Variants in ABLIM3 observed in about 807,000 individuals in gnomAD.
The protein encoded by ABLIM3 is actin binding LIM protein family member 3.
In ABLIM3, 61 loss-of-function variants were observed where a neutral mutation model predicts 109.5. The observed-to-expected ratio is 0.56, with a 90% confidence interval of 0.45 to 0.69. The LOEUF (loss-of-function observed/expected upper bound fraction) is 0.69. Ranked by LOEUF, ABLIM3 falls within the 30% of genes least tolerant of loss-of-function variation. ABLIM3 has a pLI of 0.00. For synonymous variants in ABLIM3, 300 were observed against 324.8 expected, an observed-to-expected ratio of 0.92 and a Z score of 0.82; for missense variants, 796 against 889.5, an observed-to-expected ratio of 0.89 and a Z score of 1.34.
At chr5:149,213,475 GA>G (rs1759760140) in intron 7 of ABLIM3, among the ~76,000 whole-genome samples, 1 of 152,216 alleles carries the variant, frequency 6.6e-6, no homozygotes, top group South Asian at 2.1e-4. Flanking sequence ...TTGGATGTGG[GA>G]AAGGTCACCT....
chr5:149,232,254 C>A (rs1046532089), intron 9 of ABLIM3, among the ~76,000 whole-genome samples: 1 of 152,130 alleles, frequency 6.6e-6, no homozygotes, highest in Non-Finnish European at 1.5e-5. Context: ...TGCAGTGAGT[C>A]AAAATTGTGC....
chr5:149,259,334 T>TGAC lies in ABLIM3; in HGVS notation c.*931_*933dup, dbSNP rs1307999812. The TGAC allele has an allele frequency of 7.0e-7, 1 of 1,429,708 alleles. No homozygotes were observed. Among genetic ancestry groups the TGAC allele is most frequent in the Admixed American group, 2.8e-5 (1 of 35,780 alleles). 88.6% of individuals were successfully genotyped at this position (1,429,708 alleles called of 1,614,324 possible). A position where few individuals can be genotyped will look rare whatever the true frequency, so the allele number is the denominator to read the frequency against. ...TTAGCCTTATTACAATCTATGTGCC[T>TGAC]GACAACTCAACACACCGCAGGGCTA... On this transcript the variant is annotated 3_prime_UTR_variant, in exon 24 of 24. Transcript: ENST00000309868.
In ABLIM3 at chr5:149,259,466, G is replaced by T; in HGVS notation, c.*1062G>T. The T allele has an allele frequency of 3.9e-6, 6 of 1,535,760 alleles. No individual in the cohort carries two copies. The South Asian group carries it at 7.1e-5, about 18-fold the overall frequency. On this transcript the variant is annotated 3_prime_UTR_variant, in exon 24 of 24. Transcript: ENST00000309868. ...AGAAAGGTTCTTGGTCTATGCCTCT[G>T]GTCTGTGGGCTGGCAGGGCAACCAT...
At chr5:149,207,182 TG>T (rs763986501) in intron 6 of ABLIM3, 48 bp downstream of exon 6, 1 of 1,597,672 alleles carries the variant, frequency 6.3e-7, no homozygotes, top group South Asian at 1.1e-5. Context: ...CTGCATTCTG[TG>T]AGGCCTGCCC....
chr5:149,209,614 T>C (rs1181553548), intron 6 of ABLIM3, among the ~76,000 whole-genome samples: 1 of 152,180 alleles, frequency 6.6e-6, no homozygotes, highest in Non-Finnish European at 1.5e-5. Flanking sequence ...TATACTCAAA[T>C]CTTGTTGGCT....
At chr5:149,183,736 G>A (rs1275070975) in intron 3 of ABLIM3, 147 bp downstream of exon 3, 1 of 982,534 alleles carries the variant, frequency 1.0e-6, no homozygotes, top group South Asian at 3.3e-5. Context: ...CTCTTCTTAT[G>A]AGATTCTCCC....
intron 2 of ABLIM3, among the ~76,000 whole-genome samples, chr5:149,146,201 A>C (rs1184325762): frequency 1.3e-5 from 2 of 152,176 alleles, no homozygotes; most frequent in African/African-American, 4.8e-5. Flanking sequence ...TTCCTTATAG[A>C]TTCTGGATAT....
At chr5:149,160,690 G>A (rs1754274259) in intron 2 of ABLIM3, among the ~76,000 whole-genome samples, 1 of 152,106 alleles carries the variant, frequency 6.6e-6, no homozygotes. Flanking sequence ...TTGTGTCAAG[G>A]GACTCAGGAA....
intron 2 of ABLIM3, among the ~76,000 whole-genome samples, chr5:149,165,401 A>G (rs1321095966): frequency 6.6e-6 from 1 of 152,242 alleles, no homozygotes; most frequent in Non-Finnish European, 1.5e-5. Flanking sequence ...ATTTATGTAT[A>G]CATTTTATTG....
intron 2 of ABLIM3, among the ~76,000 whole-genome samples, chr5:149,152,904 A>G (rs1753565293): frequency 6.6e-6 from 1 of 152,072 alleles, no homozygotes; most frequent in South Asian, 2.1e-4. Flanking sequence ...GATCATGCCA[A>G]CATAATTTCT....
rs747122398 is a variant in ABLIM3, at chr5:149,247,922, C to T, written c.1692C>T (p.Leu564=). 2.5e-6 allele frequency: 4 copies of T among 1,614,004 alleles called. No homozygotes were observed. In the East Asian group the frequency reaches 8.9e-5, roughly 36 times the overall value. The stretch of plus-strand genomic sequence containing the variant: ...ACACAGCTGGCTATGAGATGTCCCT[C>T]AATGGCTGTAAGCATGGCTCTGGAA... The part of the protein sequence containing the change: ...ALHTAGYEMS[L]NGSPRSHYLA... Residue 564 remains leucine (L), a synonymous_variant, in exon 18 of 24, where the codon CTC becomes CTT. Coordinates refer to ENST00000309868, the MANE Select transcript of ABLIM3 (RefSeq NM_014945.5).
intron 8 of ABLIM3, chr5:149,218,120 C>T (rs2127527286): frequency 6.6e-6 from 1 of 152,380 alleles, no homozygotes; most frequent in Non-Finnish European, 1.5e-5. Flanking sequence ...TGTAGTTCAT[C>T]TGGGCTGTTA....
intron 2 of ABLIM3, among the ~76,000 whole-genome samples, chr5:149,145,486 A>G (rs1752825621): frequency 6.6e-6 from 1 of 152,154 alleles, no homozygotes; most frequent in African/African-American, 2.4e-5. Context: ...AGGATGACTT[A>G]TTTTCTTTTG....
chr5:149,144,408 G>A (rs1160621112), intron 2 of ABLIM3, among the ~76,000 whole-genome samples: 1 of 152,160 alleles, frequency 6.6e-6, no homozygotes, highest in Admixed American at 6.5e-5. Context: ...AGAGCCATAG[G>A]GTGATATGGA....
intron 10 of ABLIM3, 59 bp downstream of exon 10, chr5:149,233,359 G>C: frequency 6.5e-7 from 1 of 1,534,560 alleles, no homozygotes; most frequent in East Asian, 2.2e-5. Context: ...GGTATATAAA[G>C]AGTCACTAAG....
chr5:149,156,277 C>A (rs927966019), intron 2 of ABLIM3, among the ~76,000 whole-genome samples: 9 of 152,126 alleles, frequency 5.9e-5, no homozygotes, highest in Admixed American at 5.9e-4. Flanking sequence ...CCAGCTTGAC[C>A]CTTATTAGCT....
chr5:149,235,345 A>G (rs139964313), intron 10 of ABLIM3, among the ~76,000 whole-genome samples: 41 of 152,368 alleles, frequency 2.7e-4, no homozygotes, highest in African/African-American at 8.4e-4. Flanking sequence ...AAATAGAATT[A>G]TCAGTGAACC....
intron 2 of ABLIM3, chr5:149,177,210 AGCCTCCCAG>A (rs1445544443): frequency 6.6e-6 from 1 of 152,240 alleles, no homozygotes; most frequent in Admixed American, 6.5e-5. Flanking sequence ...GTATACGAAT[AGCCTCCCAG>A]GCCCTTTCTG....
chr5:149,253,387 C>T (rs1039739895), intron 23 of ABLIM3, among the ~76,000 whole-genome samples: 7 of 152,138 alleles, frequency 4.6e-5, no homozygotes, highest in African/African-American at 1.7e-4. Flanking sequence ...TTTAACCAAG[C>T]GACAACCTCA....
Sources: allele counts gnomAD v4.1 joint callset (sites outside exome capture counted in the v4.1 genomes callset), GRCh38; gene constraint gnomAD v4.1.1; transcripts MANE v1.5; gene names NCBI Gene and HGNC (gene_info 2026-07-23, HGNC 2026-07-21).